Variants in MPHOSPH6 observed in about 807,000 individuals in gnomAD.
MPHOSPH6 encodes M-phase phosphoprotein 6.
A neutral mutation model predicts 21.8 loss-of-function variants in MPHOSPH6; 25 were observed. The observed-to-expected ratio is 1.15, with a 90% CI of 0.83 to 1.60. The LOEUF (loss-of-function observed/expected upper bound fraction) is 1.60, where lower values mean the gene tolerates loss of function less well. Ranked by LOEUF, MPHOSPH6 falls within the 40% of genes most tolerant of loss-of-function variation. MPHOSPH6 has a pLI of 0.00. For missense variants in MPHOSPH6, 269 were observed against 181.8 expected (o/e 1.48, Z -2.76); for synonymous variants, 84 against 56.5 (o/e 1.49, Z -2.18).
chr16:82,152,563 G>A (rs954969902), intron 2 of MPHOSPH6, among the ~76,000 whole-genome samples: 1 of 152,170 alleles, frequency 6.6e-6, no homozygotes, highest in East Asian at 1.9e-4. Context: ...CGGGAAGGCT[G>A]AAGGGGCAGA....
chr16:82,150,880 C>G (rs910496356), intron 3 of MPHOSPH6, among the ~76,000 whole-genome samples: 1 of 152,150 alleles, frequency 6.6e-6, no homozygotes, highest in Non-Finnish European at 1.5e-5. Flanking sequence ...AGCCAGAGTT[C>G]TAATGAATAT....
chr16:82,159,158 A>C (rs1189128953), intron 2 of MPHOSPH6, among the ~76,000 whole-genome samples: 1 of 152,212 alleles, frequency 6.6e-6, no homozygotes, highest in Non-Finnish European at 1.5e-5. Flanking sequence ...CAACCAATAC[A>C]ACATGCTTTA....
intron 3 of MPHOSPH6, among the ~76,000 whole-genome samples, chr16:82,150,460 T>C (rs1906228791): frequency 6.6e-6 from 1 of 152,168 alleles, no homozygotes; most frequent in Non-Finnish European, 1.5e-5. Context: ...ACATGCCTCC[T>C]CCCACTCCGC....
chr16:82,161,504 GA>G (rs986841976), intron 2 of MPHOSPH6, among the ~76,000 whole-genome samples: 1 of 152,146 alleles, frequency 6.6e-6, no homozygotes, highest in African/African-American at 2.4e-5. Flanking sequence ...TATCCTTGGG[GA>G]AAAAAACAAT....
In MPHOSPH6 at chr16:82,165,375, C is replaced by T. The variant is rs557367312; in HGVS notation, c.52-1181G>A. On this transcript the variant is annotated intron_variant, in intron 1 of 4. Transcript: ENST00000258169. The stretch of plus-strand genomic sequence containing the variant: ...TCCTGACTTTGTGATCCACCCGCCT[C>T]GGCCTCCCAAAGTGCTGGGATTACA... 1.9e-3 allele frequency among the ~76,000 whole-genome samples: 284 copies of T among 152,076 alleles called. 2 individuals are homozygous for T. Among genetic ancestry groups the T allele is most frequent in the Non-Finnish European group, 3.1e-3 (213 of 67,968 alleles).
chr16:82,169,386 A>G (rs951864833), intron 1 of MPHOSPH6, among the ~76,000 whole-genome samples: 1 of 152,118 alleles, frequency 6.6e-6, no homozygotes, highest in Non-Finnish European at 1.5e-5. Flanking sequence ...CCACCCTCCC[A>G]GTAACCTAGA....
intron 2 of MPHOSPH6, among the ~76,000 whole-genome samples, chr16:82,158,210 C>T (rs931148782): frequency 6.6e-5 from 10 of 151,938 alleles, no homozygotes; most frequent in East Asian, 3.9e-4. Flanking sequence ...ACTTCTTAGC[C>T]GGGCGCAGTG....
intron 2 of MPHOSPH6, among the ~76,000 whole-genome samples, chr16:82,161,123 G>C (rs549316837): frequency 5.9e-5 from 9 of 152,192 alleles, no homozygotes; most frequent in Non-Finnish European, 1.2e-4. Context: ...GGTTCAACCA[G>C]TTCTTCGGTA....
chr16:82,154,576 GAAGA>G (rs1906370494), intron 2 of MPHOSPH6, among the ~76,000 whole-genome samples: 1 of 151,686 alleles, frequency 6.6e-6, no homozygotes, highest in African/African-American at 2.4e-5. Context: ...TGCATGCAAT[GAAGA>G]AAGAAACAGA....
chr16:82,155,853 C>G (rs1352613760), intron 2 of MPHOSPH6, among the ~76,000 whole-genome samples: 1 of 150,462 alleles, frequency 6.6e-6, no homozygotes, highest in Non-Finnish European at 1.5e-5. Context: ...TGCGGTGAGC[C>G]AAGATTGCGC....
chr16:82,159,395 T>C (rs2142412253), intron 2 of MPHOSPH6, among the ~76,000 whole-genome samples: 1 of 152,318 alleles, frequency 6.6e-6, no homozygotes, highest in Non-Finnish European at 1.5e-5. Context: ...AAACACTCTT[T>C]AGGTGTTCTA....
chr16:82,170,027 C>A, intron 1 of MPHOSPH6, 98 bp downstream of exon 1: 1 of 1,365,306 alleles, frequency 7.3e-7, no homozygotes, highest in Non-Finnish European at 9.9e-7. Context: ...TCTGAGGCCT[C>A]TCTGGTGTCC....
chr16:82,170,155 T>A lies in MPHOSPH6; in HGVS notation c.21A>T (p.Thr7=). The A allele has an allele frequency of 1.3e-6, 2 of 1,595,366 alleles. No homozygotes were observed. Among genetic ancestry groups the A allele is most frequent in the Non-Finnish European group, 1.7e-6 (2 of 1,171,174 alleles). The change falls in exon 1 of 5, where the codon ACA becomes ACT. Residue 7 remains threonine (T), a synonymous_variant. Transcript: ENST00000258169. The part of the protein sequence containing the change: MAAERK[T]RLSKNLLRMK... ...TGCGCAGTAGATTCTTGGACAACCT[T>A]GTCTTTCGCTCGGCCGCCATGGTAG...
At chr16:82,167,048 G>C (rs994252525) in intron 1 of MPHOSPH6, among the ~76,000 whole-genome samples, 1 of 152,148 alleles carries the variant, frequency 6.6e-6, no homozygotes, top group African/African-American at 2.4e-5. Context: ...AAGTTTTACT[G>C]GTACACAACC....
chr16:82,152,784 C>G (rs529615041), intron 2 of MPHOSPH6, among the ~76,000 whole-genome samples: 1 of 152,290 alleles, frequency 6.6e-6, no homozygotes, highest in Admixed American at 6.5e-5. Flanking sequence ...GACCGTAAAT[C>G]CAAGGTGACA....
intron 2 of MPHOSPH6, among the ~76,000 whole-genome samples, chr16:82,159,856 A>G (rs923113846): frequency 3.3e-4 from 50 of 152,150 alleles, no homozygotes; most frequent in African/African-American, 1.2e-3. Context: ...GGGAATCTAA[A>G]TTTGGGCACA....
At chr16:82,156,638 T>C (rs565479588) in intron 2 of MPHOSPH6, among the ~76,000 whole-genome samples, 2 of 152,308 alleles carry the variant, frequency 1.3e-5, no homozygotes, top group East Asian at 3.9e-4. Context: ...TCACACTTCC[T>C]TAGTGAAAGT....
Position 82,149,299 on chromosome 16 carries a change from G to C in MPHOSPH6, c.350+10C>G, listed in dbSNP as rs187972867. ...GTCCAGATTAGAAGGCTGCTGCGCA[G>C]CACGGTTACCTTCTAGCCATCTCTT... On this transcript the variant is annotated intron_variant, in intron 4 of 4. Transcript: ENST00000258169. The C allele has an allele frequency of 4.0e-5, 65 of 1,612,240 alleles. No homozygotes were observed. Among genetic ancestry groups the C allele is most frequent in the Non-Finnish European group, 5.3e-5 (63 of 1,179,448 alleles).
rs760242849 is a variant in MPHOSPH6, at chr16:82,148,789, T to C, written c.425A>G (p.Glu142Gly). ...KRDHANYEED[E>G]NGDITPIKAK... ...TTTAATTGGTGTTATGTCTCCATTT[T>C]CATCTTCTTCATAATTGGCATGGTC... Residue 142 changes from glutamate to glycine, a missense_variant, in exon 5 of 5, where the codon GAA becomes GGA. Physicochemically the swap from Glu to Gly is moderately conservative, Grantham distance 98. Transcript: ENST00000258169. 1 of 1,614,188 alleles carries C rather than the reference T, an allele frequency of 6.2e-7. No homozygotes were observed. The highest frequency in any genetic ancestry group is 8.5e-7 in the Non-Finnish European group (1 of 1,180,020).
Sources: gnomAD v4.1 joint callset for allele counts (sites outside exome capture counted in the v4.1 genomes callset) on GRCh38, gnomAD v4.1.1 for gene constraint, MANE v1.5 for transcripts, NCBI Gene and HGNC (gene_info 2026-07-23, HGNC 2026-07-21) for gene names.